Variants in LRP1B observed in about 807,000 individuals in gnomAD.
LRP1B encodes the protein LDL receptor related protein 1B.
Under a neutral mutation model 556.6 loss-of-function variants are expected in LRP1B, and 217 were observed. That is an observed-to-expected ratio of 0.39 (90% confidence interval 0.35 to 0.44). The LOEUF (loss-of-function observed/expected upper bound fraction) is 0.44, where lower values mean the gene tolerates loss of function less well. LRP1B is among the 20% of genes least tolerant of loss of function. The pLI is 1.00. For synonymous variants in LRP1B, 2,047 were observed against 1,865.8 expected (o/e 1.10, Z -2.50); for missense variants, 5,053 against 5,620.8 (o/e 0.90, Z 3.23).
At chr2:140,556,270 C>T (rs1009995128) in intron 43 of LRP1B, among the ~76,000 whole-genome samples, 2 of 152,006 alleles carry the variant, frequency 1.3e-5, no homozygotes, top group Non-Finnish European at 2.9e-5. Flanking sequence ...CTCTAATCTG[C>T]CCTTGGAGGA....
At chr2:141,114,849 T>C (rs1700846773) in intron 7 of LRP1B, among the ~76,000 whole-genome samples, 1 of 151,208 alleles carries the variant, frequency 6.6e-6, no homozygotes, top group Non-Finnish European at 1.5e-5. Context: ...CATACACACA[T>C]ACATGTCATG....
chr2:141,200,804 C>T (rs960388692), intron 6 of LRP1B, among the ~76,000 whole-genome samples: 1 of 152,140 alleles, frequency 6.6e-6, no homozygotes, highest in African/African-American at 2.4e-5. Flanking sequence ...TAATTCACTG[C>T]CGTTATTTCC....
intron 1 of LRP1B, among the ~76,000 whole-genome samples, chr2:142,113,343 A>G (rs1341823398): frequency 6.6e-6 from 1 of 152,150 alleles, no homozygotes; most frequent in Non-Finnish European, 1.5e-5. Flanking sequence ...TAGAGCTATT[A>G]TCAGAAGTTA....
intron 66 of LRP1B, among the ~76,000 whole-genome samples, chr2:140,435,221 A>G (rs1686121063): frequency 6.6e-6 from 1 of 152,074 alleles, no homozygotes. Context: ...GAACTTTTAA[A>G]TCTCCATATT....
chr2:140,981,200 C>G (rs1027937557), intron 18 of LRP1B, among the ~76,000 whole-genome samples: 5 of 151,968 alleles, frequency 3.3e-5, no homozygotes, highest in Non-Finnish European at 7.4e-5. Flanking sequence ...CATTAAATAA[C>G]TTACCCATAT....
chr2:141,898,927 G>A (rs899503177), intron 1 of LRP1B, among the ~76,000 whole-genome samples: 20 of 152,148 alleles, frequency 1.3e-4, no homozygotes, highest in East Asian at 1.9e-4. Context: ...TAGTGTAGTC[G>A]ATTCAAATAA....
chr2:140,286,580 G>T (rs1323440851), intron 84 of LRP1B, among the ~76,000 whole-genome samples: 2 of 151,754 alleles, frequency 1.3e-5, no homozygotes, highest in African/African-American at 4.8e-5. Flanking sequence ...GCTTCCAGTG[G>T]TCATAATCTA....
intron 1 of LRP1B, among the ~76,000 whole-genome samples, chr2:141,828,250 T>A (rs185399094): frequency 6.6e-6 from 1 of 152,184 alleles, no homozygotes; most frequent in East Asian, 1.9e-4. Flanking sequence ...CACATTTTTT[T>A]ATTAATTATG....
chr2:140,549,822 C>A (rs192433082), intron 43 of LRP1B, among the ~76,000 whole-genome samples: 164 of 151,808 alleles, frequency 1.1e-3, no homozygotes, highest in African/African-American at 3.3e-3. Context: ...AAGCATACAG[C>A]GGGGCCTAGC....
intron 66 of LRP1B, among the ~76,000 whole-genome samples, chr2:140,409,884 C>G (rs969492067): frequency 6.6e-6 from 1 of 152,002 alleles, no homozygotes; most frequent in African/African-American, 2.4e-5. Flanking sequence ...TTTGCACTTG[C>G]TTTCTTCTTT....
chr2:140,251,966 A>C (rs1681438156), intron 86 of LRP1B, among the ~76,000 whole-genome samples: 1 of 144,720 alleles, frequency 6.9e-6, no homozygotes, highest in African/African-American at 2.5e-5. Flanking sequence ...ATAAAACTAC[A>C]TTTATATAAT....
At chr2:141,553,619 T>A (rs1297465471) in intron 2 of LRP1B, among the ~76,000 whole-genome samples, 1 of 147,734 alleles carries the variant, frequency 6.8e-6, no homozygotes, top group Non-Finnish European at 1.5e-5. Context: ...AAACTATCTT[T>A]AAAAACAATT....
intron 43 of LRP1B, among the ~76,000 whole-genome samples, chr2:140,582,070 A>G (rs1392510087): frequency 6.6e-6 from 1 of 152,172 alleles, no homozygotes; most frequent in Non-Finnish European, 1.5e-5. Context: ...GTGAGAGAAC[A>G]TGGTCGTGAC....
intron 1 of LRP1B, among the ~76,000 whole-genome samples, chr2:142,027,146 G>A (rs567844080): frequency 6.6e-6 from 1 of 152,044 alleles, no homozygotes. Context: ...ATCTGGCCAT[G>A]TGAATACTGC....
intron 60 of LRP1B, among the ~76,000 whole-genome samples, chr2:140,464,510 A>G (rs759298999): frequency 5.9e-5 from 9 of 152,210 alleles, no homozygotes; most frequent in Non-Finnish European, 1.2e-4. Flanking sequence ...AAGTTTTATA[A>G]AGCAGACTGT....
chr2:141,358,012 A>G (rs1441947831), intron 3 of LRP1B, among the ~76,000 whole-genome samples: 1 of 152,188 alleles, frequency 6.6e-6, no homozygotes, highest in Admixed American at 6.5e-5. Flanking sequence ...ACACAATTAT[A>G]TAGAGAATAC....
At chr2:140,847,484 T>A (rs1193674979) in intron 29 of LRP1B, among the ~76,000 whole-genome samples, 3 of 152,104 alleles carry the variant, frequency 2.0e-5, no homozygotes, top group Non-Finnish European at 4.4e-5. Context: ...TAGAAAATGT[T>A]CAGGCTGGGC....
chr2:140,651,923 G>A (rs1303687132), intron 41 of LRP1B, among the ~76,000 whole-genome samples: 1 of 152,030 alleles, frequency 6.6e-6, no homozygotes, highest in Non-Finnish European at 1.5e-5. Context: ...TCAGAAAAAG[G>A]GAAAATGAAC....
chr2:141,621,987 G>T (rs369195790), intron 2 of LRP1B, among the ~76,000 whole-genome samples: 1 of 152,134 alleles, frequency 6.6e-6, no homozygotes, highest in Non-Finnish European at 1.5e-5. Flanking sequence ...TGCCTCCCAG[G>T]TTCAAGTAAT....
Sources: allele counts gnomAD v4.1 joint callset (sites outside exome capture counted in the v4.1 genomes callset), GRCh38; gene constraint gnomAD v4.1.1; transcripts MANE v1.5; gene names NCBI Gene and HGNC (gene_info 2026-07-23, HGNC 2026-07-21).